The following MRPL53 variants were observed in gnomAD, a reference collection of about 807,000 sequenced individuals.
The protein encoded by MRPL53 is large ribosomal subunit protein mL53.
MRPL53 carries 7 observed loss-of-function variants against 7.5 expected under a neutral mutation model. The observed-to-expected ratio is 0.93, with a 90% CI of 0.53 to 1.75. The LOEUF is 1.75. MRPL53 is among the 40% of genes most tolerant of loss of function. The probability of loss-of-function intolerance (pLI) is 0.00; values close to 1 mark genes in which losing one functional copy is unlikely to be tolerated. For synonymous variants in MRPL53, 84 were observed against 64.4 expected (o/e 1.30, Z -1.46); for missense variants, 185 against 159.0 (o/e 1.16, Z -0.88).
rs768630208 is a variant in MRPL53, at chr2:74,472,625, A to G, written c.36T>C (p.Pro12=). The G allele has an allele frequency of 6.2e-7, 1 of 1,614,224 alleles. No homozygotes were observed. Among genetic ancestry groups the G allele is most frequent in the Admixed American group, 1.7e-5 (1 of 60,020 alleles). The change falls in exon 1 of 3, where the codon CCT becomes CCC. Residue 12 remains proline (P), a synonymous_variant. Coordinates refer to ENST00000258105, the MANE Select transcript of MRPL53 (RefSeq NM_053050.5). ...AGAACTGAACCCGAACCTGTTTGAC[A>G]GGCCGCAGACCAAGCCGAGCCAAGG... ...AAALARLGLR[P]VKQVRVQFCP... is the part of the protein sequence containing the mutation.
rs1315588723 is a variant in MRPL53 at position 74,472,176 on chromosome 2, G to T, written c.282C>A (p.Ile94=). The T allele has an allele frequency of 9.9e-6, 16 of 1,614,100 alleles. No individual in the cohort carries two copies. The African/African-American group carries it at 1.9e-4, about 19-fold the overall frequency. The change falls in exon 3 of 3, where the codon ATC becomes ATA. Residue 94 remains isoleucine (I), a synonymous_variant. Transcript: ENST00000258105. The part of the protein sequence containing the change: ...LEMLTAFASH[I]RARDAAGSGD... ...CGCTGCCCGCCGCGTCCCTGGCCCG[G>T]ATGTGGGAGGCGAAGGCGGTGAGCA...
rs777131002 is a variant in MRPL53, at chr2:74,472,251, T to G, written c.207A>C (p.Gly69=). 6 of 1,614,068 alleles carry G rather than the reference T, an allele frequency of 3.7e-6. No individual in the cohort carries two copies. The highest frequency in any genetic ancestry group is 4.2e-6 in the Non-Finnish European group (5 of 1,180,006). ...GSEPCVDVLF[G]DGHRLIMRGA... is the part of the protein sequence containing the mutation. ...CGCGCATAATCAGGCGATGCCCGTC[T>G]CCTGGGGAAGAAACAAACGAGTGAG... The change falls in exon 3 of 3, where the codon GGA becomes GGC. Residue 69 remains glycine, a splice_region_variant and synonymous_variant. Transcript: ENST00000258105.
rs1175308828 is a variant in MRPL53 at position 74,472,284 on chromosome 2, G to A, written c.206-32C>T. ...AAGAAACAAACGAGTGAGACAGGGAGGGACCGCAGTGCTGGGGCTTAGGGG... is the reference window on the plus strand; with the variant it reads ...AAGAAACAAACGAGTGAGACAGGGAAGGACCGCAGTGCTGGGGCTTAGGGG... On this transcript the variant is annotated intron_variant, in intron 2 of 2. Coordinates refer to ENST00000258105, the MANE Select transcript of MRPL53 (RefSeq NM_053050.5). 1.9e-6 allele frequency: 3 copies of A among 1,613,604 alleles called. No individual in the cohort carries two copies. The Admixed American group carries it at 5.0e-5, about 27-fold the overall frequency.
intron 2 of MRPL53, 51 bp downstream of exon 2, chr2:74,472,307 G>A: frequency 6.2e-7 from 1 of 1,612,034 alleles, no homozygotes; most frequent in Non-Finnish European, 8.5e-7. Flanking sequence ...TGGGGCTTAG[G>A]GGCGCGCGGG....
At position 74,472,564 on chromosome 2, in the gene MRPL53, C is replaced by G. The variant is rs1672206679; in HGVS notation, c.92+5G>C. Reference sequence around the variant, plus strand: ...TTCCCGCTTCTACCCACTTCCCCTTCGTACCTCGTCGATTCCACGTTTTTC... The same window carrying G: ...TTCCCGCTTCTACCCACTTCCCCTTGGTACCTCGTCGATTCCACGTTTTTC... On this transcript the variant is annotated splice_donor_5th_base_variant and intron_variant, in intron 1 of 2. Transcript: ENST00000258105. 2 of 1,614,246 alleles carry G rather than the reference C, an allele frequency of 1.2e-6. No homozygotes were observed. Among genetic ancestry groups the G allele is most frequent in the Admixed American group, 3.3e-5 (2 of 60,032 alleles).
chr2:74,472,305 A>G, intron 2 of MRPL53, 53 bp from the exon 3 acceptor site: 1 of 1,612,398 alleles, frequency 6.2e-7, no homozygotes, highest in Non-Finnish European at 8.5e-7. Context: ...GCTGGGGCTT[A>G]GGGGCGCGCG....
chr2:74,472,666 C>G lies in MRPL53; in HGVS notation c.-6G>C. ...CGAGCCAAGGCAGCTGCCATGGTGA[C>G]CTCCGCCCCGGAAGAACTCGTGCAG... On this transcript the variant is annotated 5_prime_UTR_variant, in exon 1 of 3. Coordinates refer to ENST00000258105, the MANE Select transcript of MRPL53 (RefSeq NM_053050.5). The G allele has an allele frequency of 6.2e-7, 1 of 1,614,240 alleles. No homozygotes were observed. Among genetic ancestry groups the G allele is most frequent in the Non-Finnish European group, 8.5e-7 (1 of 1,180,030 alleles).
Position 74,472,396 on chromosome 2 carries a change from C to G in MRPL53, c.167G>C (p.Arg56Thr). ...NLNCSVIADVRHDGSEPCVDV... is the reference protein window; with the variant it reads ...NLNCSVIADVTHDGSEPCVDV... ...CACGCAGGGCTCGGAGCCGTCATGC[C>G]TCACGTCCGCAATCACTGAGCAGTT... is the stretch of plus-strand genomic sequence containing the variant. Residue 56 changes from arginine (R) to threonine (T), a missense_variant, in exon 2 of 3, where the codon AGG becomes ACG. Physicochemically the swap from Arg to Thr is moderately conservative, Grantham distance 71. Coordinates refer to ENST00000258105, the MANE Select transcript of MRPL53 (RefSeq NM_053050.5). 2 of 1,614,036 alleles carry G rather than the reference C, an allele frequency of 1.2e-6. No individual in the cohort carries two copies. The highest frequency in any genetic ancestry group is 1.7e-6 in the Non-Finnish European group (2 of 1,179,934).
rs751209111 is a variant in MRPL53, at chr2:74,472,484, A to C, written c.93-14T>G. The C allele has an allele frequency of 6.2e-7, 1 of 1,613,934 alleles. No homozygotes were observed. The highest frequency in any genetic ancestry group is 8.5e-7 in the Non-Finnish European group (1 of 1,179,802). On this transcript the variant is annotated splice_polypyrimidine_tract_variant and intron_variant, in intron 1 of 2. Transcript: ENST00000258105. ...TGCAGGAAGGTCCTACGGTGGAAAA[A>C]CAGAGGAGCGCCAAGCTGAGGGCTT...
intron 2 of MRPL53, 28 bp from the exon 3 acceptor site, chr2:74,472,280 G>A (rs775720800): frequency 1.2e-6 from 2 of 1,613,546 alleles, no homozygotes; most frequent in Admixed American, 1.7e-5. Context: ...GAGTGAGACA[G>A]GGAGGGACCG....
Position 74,472,389 on chromosome 2 carries a change from G to A in MRPL53, c.174C>T (p.Asp58=), listed in dbSNP as rs767597639. ...NCSVIADVRH[D]GSEPCVDVLF... ...GCACGTCCACGCAGGGCTCGGAGCC[G>A]TCATGCCTCACGTCCGCAATCACTG... Residue 58 remains aspartate (D), a synonymous_variant, in exon 2 of 3, where the codon GAC becomes GAT. Coordinates refer to ENST00000258105, the MANE Select transcript of MRPL53 (RefSeq NM_053050.5). The A allele has an allele frequency of 3.1e-6, 5 of 1,613,820 alleles. No homozygotes were observed. The East Asian group carries it at 8.9e-5, about 29-fold the overall frequency.
rs1259760843 is a variant in MRPL53 at position 74,472,589 on chromosome 2, C to G, written c.72G>C (p.Glu24Asp). Residue 24 changes from glutamate (E) to aspartate (D), a missense_variant, in exon 1 of 3, where the codon GAG (glutamate) becomes GAC (aspartate). Physicochemically the swap from Glu to Asp is conservative, Grantham distance 45. Coordinates refer to ENST00000258105, the MANE Select transcript of MRPL53 (RefSeq NM_053050.5). Reference sequence around the variant, plus strand: ...CGTACCTCGTCGATTCCACGTTTTTCTCGAAGGGACAGAACTGAACCCGAA... The same window carrying G: ...CGTACCTCGTCGATTCCACGTTTTTGTCGAAGGGACAGAACTGAACCCGAA... ...KQVRVQFCPFEKNVESTRTFL... is the reference protein window; with the variant it reads ...KQVRVQFCPFDKNVESTRTFL... 5 of 1,614,260 alleles carry G rather than the reference C, an allele frequency of 3.1e-6. No homozygotes were observed. The South Asian group carries it at 3.3e-5, about 11-fold the overall frequency.
chr2:74,472,131 A>T lies in MRPL53; in HGVS notation c.327T>A (p.Asp109Glu). The T allele has an allele frequency of 1.9e-6, 3 of 1,614,064 alleles. No homozygotes were observed. The South Asian group carries it at 3.3e-5, about 18-fold the overall frequency. Residue 109 changes from aspartate to glutamate, a missense_variant, in exon 3 of 3, where the codon GAT becomes GAA. Transcript: ENST00000258105. The stretch of plus-strand genomic sequence containing the variant: ...CTCTTTGGCGCTGTCAGCGACCAGT[A>T]TCAGCGCCCGGCTTGTCCCCGCTGC... ...AAGSGDKPGA[D>E]TGR
Position 74,472,347 on chromosome 2 carries a change from A to T in MRPL53, c.205+11T>A. 1 of 1,613,390 alleles carries T rather than the reference A, an allele frequency of 6.2e-7. No individual in the cohort carries two copies. The highest frequency in any genetic ancestry group is 8.5e-7 in the Non-Finnish European group (1 of 1,179,692). On this transcript the variant is annotated intron_variant, in intron 2 of 2. Transcript: ENST00000258105. ...TCGCTGTTCCCTCCTGCCCGTCTCC[A>T]CCAAGCCCACCGAACAGCACGTCCA...
At position 74,472,233 on chromosome 2, in the gene MRPL53, A is replaced by G; in HGVS notation, c.225T>C (p.Ile75=). Residue 75 remains isoleucine (I), a synonymous_variant, in exon 3 of 3, where the codon ATT becomes ATC. Coordinates refer to ENST00000258105, the MANE Select transcript of MRPL53 (RefSeq NM_053050.5). ...DVLFGDGHRL[I]MRGAHLTALE... ...GAGCGGTGAGATGAGCGCCGCGCAT[A>G]ATCAGGCGATGCCCGTCTCCTGGGG... The G allele has an allele frequency of 6.2e-7, 1 of 1,614,184 alleles. No homozygotes were observed. Among genetic ancestry groups the G allele is most frequent in the South Asian group, 1.1e-5 (1 of 91,090 alleles).
In MRPL53 at chr2:74,472,383, G is replaced by C. The variant is rs139817903; in HGVS notation, c.180C>G (p.Ser60=). 1,536 of 1,613,980 alleles carry C rather than the reference G, an allele frequency of 9.5e-4. 4 individuals are homozygous for C. The highest frequency in any genetic ancestry group is 2.2e-3 in the Admixed American group (135 of 60,000). The stretch of plus-strand genomic sequence containing the variant: ...CGAACAGCACGTCCACGCAGGGCTC[G>C]GAGCCGTCATGCCTCACGTCCGCAA... ...SVIADVRHDG[S]EPCVDVLFGD... Residue 60 remains serine (S), a synonymous_variant, in exon 2 of 3, where the codon TCC becomes TCG. Transcript: ENST00000258105.
chr2:74,472,392 A>G lies in MRPL53; in HGVS notation c.171T>C (p.His57=), dbSNP rs143503223. 5.6e-6 allele frequency: 9 copies of G among 1,614,038 alleles called. No homozygotes were observed. Among genetic ancestry groups the G allele is most frequent in the Middle Eastern group, 1.6e-4 (1 of 6,062 alleles). The change falls in exon 2 of 3, where the codon CAT becomes CAC. Residue 57 remains histidine, a synonymous_variant. Coordinates refer to ENST00000258105, the MANE Select transcript of MRPL53 (RefSeq NM_053050.5). ...CGTCCACGCAGGGCTCGGAGCCGTC[A>G]TGCCTCACGTCCGCAATCACTGAGC... The part of the protein sequence containing the change: ...LNCSVIADVR[H]DGSEPCVDVL...
rs1386840178 is a variant in MRPL53 at position 74,472,429 on chromosome 2, G to A, written c.134C>T (p.Thr45Ile). 1 of 1,614,002 alleles carries A rather than the reference G, an allele frequency of 6.2e-7. No individual in the cohort carries two copies. Among genetic ancestry groups the A allele is most frequent in the Non-Finnish European group, 8.5e-7 (1 of 1,179,910 alleles). Reference protein sequence around the residue: ...QTVSSEKVRSTNLNCSVIADV... With the variant: ...QTVSSEKVRSINLNCSVIADV... ...CGCAATCACTGAGCAGTTGAGATTA[G>A]TGGAGCGGACCTTCTCACTGCTCAC... Residue 45 changes from threonine to isoleucine, a missense_variant, in exon 2 of 3, where the codon ACT becomes ATT. Transcript: ENST00000258105.
At position 74,472,549 on chromosome 2, in the gene MRPL53, T is replaced by C. The variant is rs1343432200; in HGVS notation, c.92+20A>G. ...AGGAAGGCGCACCACTTCCCGCTTC[T>C]ACCCACTTCCCCTTCGTACCTCGTC... is the stretch of plus-strand genomic sequence containing the variant. On this transcript the variant is annotated intron_variant, in intron 1 of 2. Coordinates refer to ENST00000258105, the MANE Select transcript of MRPL53 (RefSeq NM_053050.5). The C allele has an allele frequency of 6.2e-7, 1 of 1,614,110 alleles. No individual in the cohort carries two copies. Among genetic ancestry groups the C allele is most frequent in the Non-Finnish European group, 8.5e-7 (1 of 1,179,910 alleles).
Sources: gnomAD v4.1 joint callset for allele counts on GRCh38, gnomAD v4.1.1 for gene constraint, MANE v1.5 for transcripts, NCBI Gene and HGNC (gene_info 2026-07-23, HGNC 2026-07-21) for gene names.